The following GLP1R variants were observed in gnomAD, a reference collection of about 807,000 sequenced individuals.
GLP1R encodes the protein glucagon-like peptide 1 receptor.
GLP1R carries 32 observed loss-of-function variants against 68.4 expected under a neutral mutation model. The observed-to-expected ratio is 0.47, with a 90% confidence interval of 0.35 to 0.63. The LOEUF is 0.63. Among genes scored for constraint, GLP1R ranks in the 20% least tolerant of loss-of-function variants. The pLI is 0.00. For synonymous variants in GLP1R, 263 were observed against 244.4 expected (o/e 1.08, Z -0.71); for missense variants, 502 against 594.9 (o/e 0.84, Z 1.62).
intron 12 of GLP1R, among the ~76,000 whole-genome samples, chr6:39,084,446 C>G (rs1342656961): frequency 1.3e-5 from 2 of 152,168 alleles, no homozygotes; most frequent in Non-Finnish European, 2.9e-5. Context: ...TCTCTTTGGT[C>G]TCTGGTTTCC....
intron 1 of GLP1R, among the ~76,000 whole-genome samples, chr6:39,050,231 G>A (rs1768055296): frequency 6.6e-6 from 1 of 152,178 alleles, no homozygotes; most frequent in South Asian, 2.1e-4. Flanking sequence ...TCCTGGTGCG[G>A]CTGGGATCTT....
chr6:39,058,957 G>A (rs1245120361), intron 3 of GLP1R, among the ~76,000 whole-genome samples: 1 of 152,236 alleles, frequency 6.6e-6, no homozygotes, highest in Non-Finnish European at 1.5e-5. Flanking sequence ...ATGCTCTGGG[G>A]AAGCCAGGTG....
intron 3 of GLP1R, 116 bp downstream of exon 3, chr6:39,057,695 G>T (rs947566911): frequency 1.1e-5 from 7 of 648,062 alleles, no homozygotes; most frequent in African/African-American, 1.8e-5. Flanking sequence ...CCTGATACCT[G>T]CCCTGGGCCA....
chr6:39,051,630 T>A (rs1768090269), intron 1 of GLP1R, among the ~76,000 whole-genome samples: 1 of 152,004 alleles, frequency 6.6e-6, no homozygotes, highest in Non-Finnish European at 1.5e-5. Context: ...GGAAAATTCC[T>A]ATGTGTGTGT....
In GLP1R at chr6:39,065,623, C is replaced by T. The variant is rs140336900; in HGVS notation, c.284-88C>T. ...CCATTCTGGGGGAGCAGGGATAGCC[C>T]TCAGAATGGGGAGGAAGGGGAGCAT... On this transcript the variant is annotated intron_variant, in intron 3 of 12. Transcript: ENST00000373256. The T allele has an allele frequency of 2.1e-4, 158 of 767,538 alleles. No individual in the cohort carries two copies. In the African/African-American group the frequency reaches 2.3e-3, roughly 11 times the overall value. 47.5% of individuals were successfully genotyped at this position (767,538 alleles called of 1,614,324 possible).
chr6:39,059,166 G>A lies in GLP1R; in HGVS notation c.283+1587G>A, dbSNP rs539948325. ...AGGAGCCTGGGCCCATCAGTGGCCT[G>A]CCTTCTCCAATACTGCCTGTTGGAA... On this transcript the variant is annotated intron_variant, in intron 3 of 12. Coordinates refer to ENST00000373256, the MANE Select transcript of GLP1R (RefSeq NM_002062.5). Among the ~76,000 whole-genome samples the A allele has an allele frequency of 6.6e-5, 10 of 152,332 alleles. No homozygotes were observed. In the South Asian group the frequency reaches 1.9e-3, roughly 28 times the overall value.
intron 1 of GLP1R, 60 bp from the exon 2 acceptor site, chr6:39,056,337 G>C: frequency 1.2e-6 from 1 of 845,710 alleles, no homozygotes; most frequent in Non-Finnish European, 2.0e-6. Context: ...GTTAGGGGGT[G>C]AGGGGGCAGG....
At position 39,079,049 on chromosome 6, in the gene GLP1R, G is replaced by A. The variant is rs1583647135; in HGVS notation, c.954+23G>A. 2 of 1,612,322 alleles carry A rather than the reference G, an allele frequency of 1.2e-6. No individual in the cohort carries two copies. The highest frequency in any genetic ancestry group is 1.3e-5 in the African/African-American group (1 of 74,998). The stretch of plus-strand genomic sequence containing the variant: ...GGGGTGAGTGATGGTGTCAGGGATG[G>A]GAGTGGCAGCTATGATAGGGCTGGG... On this transcript the variant is annotated intron_variant, in intron 9 of 12. Transcript: ENST00000373256. The surrounding 1 kb of genome is among the most constrained non-coding windows in gnomAD (Gnocchi z 4.5).
At chr6:39,070,514 G>A (rs558898047) in intron 5 of GLP1R, among the ~76,000 whole-genome samples, 140 of 152,206 alleles carry the variant, frequency 9.2e-4, no homozygotes, top group African/African-American at 3.1e-3. Context: ...ACCTGCTTTC[G>A]CAATTTTACT....
intron 8 of GLP1R, 91 bp downstream of exon 8, chr6:39,078,473 G>C: frequency 2.2e-6 from 2 of 908,458 alleles, no homozygotes; most frequent in Non-Finnish European, 3.7e-6. Flanking sequence ...CCCATCTGTT[G>C]AGAGGATAAA....
At chr6:39,068,291 C>T (rs941553223) in intron 5 of GLP1R, among the ~76,000 whole-genome samples, 3 of 152,030 alleles carry the variant, frequency 2.0e-5, no homozygotes, top group Non-Finnish European at 4.4e-5. Flanking sequence ...CCCAAGTCTC[C>T]CCGAAGCCCC....
chr6:39,079,724 C>G lies in GLP1R; in HGVS notation c.1182+22C>G. On this transcript the variant is annotated intron_variant, in intron 11 of 12. Coordinates refer to ENST00000373256, the MANE Select transcript of GLP1R (RefSeq NM_002062.5). The surrounding 1 kb of genome is among the most constrained non-coding windows in gnomAD (Gnocchi z 4.5). ...CCAGGTGACTTCATGCTTGGGGACA[C>G]TTGCTTGTAAAGTCCTAGAGTGGGG... The G allele has an allele frequency of 6.2e-7, 1 of 1,606,944 alleles. No individual in the cohort carries two copies. Among genetic ancestry groups the G allele is most frequent in the East Asian group, 2.2e-5 (1 of 44,786 alleles).
At chr6:39,051,993 CTGTG>C (rs145937816) in intron 1 of GLP1R, among the ~76,000 whole-genome samples, 1 of 150,726 alleles carries the variant, frequency 6.6e-6, no homozygotes, top group Non-Finnish European at 1.5e-5. Context: ...GTGTGTTCCT[CTGTG>C]TGTGTGTGTT....
At position 39,086,202 on chromosome 6, in the gene GLP1R, C is replaced by CACACACACAT. The variant is rs1422490672; in HGVS notation, c.*132_*133insCACACATACA. On this transcript the variant is annotated 3_prime_UTR_variant, in exon 13 of 13. Coordinates refer to ENST00000373256, the MANE Select transcript of GLP1R (RefSeq NM_002062.5). This position sits in a 1 kb window ranked among gnomAD's most constrained non-coding sequence, Gnocchi z 4.5. ...ACACACACACACACACACACACACA[C>CACACACACAT]ACATACATCCTGCTTTCCCTCCCCA... 2.7e-4 allele frequency: 132 copies of CACACACACAT among 493,196 alleles called. No homozygotes were observed. Among genetic ancestry groups the CACACACACAT allele is most frequent in the African/African-American group, 2.1e-3 (106 of 51,692 alleles). The allele number at this position is 493,196 out of a possible 1,614,324, so 30.6% of individuals were successfully genotyped here. A position where few individuals can be genotyped will look rare whatever the true frequency, so the allele number is the denominator to read the frequency against.
intron 12 of GLP1R, among the ~76,000 whole-genome samples, chr6:39,083,756 A>C (rs749135981): frequency 2.0e-5 from 3 of 152,120 alleles, no homozygotes; most frequent in Non-Finnish European, 4.4e-5. Flanking sequence ...GGTGTGCTGC[A>C]CTGCAGAGGT....
chr6:39,067,903 T>C (rs1224817835), intron 5 of GLP1R, among the ~76,000 whole-genome samples: 2 of 152,238 alleles, frequency 1.3e-5, no homozygotes, highest in Non-Finnish European at 2.9e-5. Flanking sequence ...TGAAATGTTG[T>C]GGCAGGCATT....
At chr6:39,085,812 A>C (rs377264355) in intron 12 of GLP1R, 94 bp from the exon 13 acceptor site, 7 of 1,147,944 alleles carry the variant, frequency 6.1e-6, no homozygotes, top group Non-Finnish European at 7.7e-6. Flanking sequence ...AATGCAGTGG[A>C]TTTCTTCCCT....
Position 39,079,093 on chromosome 6 carries a change from C to G in GLP1R, c.955-19C>G. Reference sequence around the variant, plus strand: ...GGCTGGGCTGGTGCCCCCTGCCAATCCCCGGCCCCACCCCGCAGGTGAACT... The same window carrying G: ...GGCTGGGCTGGTGCCCCCTGCCAATGCCCGGCCCCACCCCGCAGGTGAACT... On this transcript the variant is annotated intron_variant, in intron 9 of 12. Coordinates refer to ENST00000373256, the MANE Select transcript of GLP1R (RefSeq NM_002062.5). This position sits in a 1 kb window ranked among gnomAD's most constrained non-coding sequence, Gnocchi z 4.5. 6.2e-7 allele frequency: 1 copy of G among 1,612,012 alleles called. No homozygotes were observed. Among genetic ancestry groups the G allele is most frequent in the Non-Finnish European group, 8.5e-7 (1 of 1,178,072 alleles).
At chr6:39,051,589 A>C (rs1388080789) in intron 1 of GLP1R, among the ~76,000 whole-genome samples, 1 of 152,166 alleles carries the variant, frequency 6.6e-6, no homozygotes, top group Non-Finnish European at 1.5e-5. Flanking sequence ...ACCAAGGCAA[A>C]ACAGGCTTCC....
Sources: allele counts gnomAD v4.1 joint callset (sites outside exome capture counted in the v4.1 genomes callset), GRCh38; gene constraint gnomAD v4.1.1; non-coding constraint Gnocchi (gnomAD v3.1); transcripts MANE v1.5; gene names NCBI Gene and HGNC (gene_info 2026-07-23, HGNC 2026-07-21).